The following TBCD variants were observed in gnomAD, a reference collection of about 807,000 sequenced individuals.
TBCD encodes the protein tubulin-specific chaperone D.
Under a neutral mutation model 169.3 loss-of-function variants are expected in TBCD, and 105 were observed. That is an observed-to-expected ratio of 0.62 (90% CI 0.53 to 0.73). The LOEUF (loss-of-function observed/expected upper bound fraction) is 0.73, where lower values mean the gene tolerates loss of function less well. Among genes scored for constraint, TBCD ranks in the 30% least tolerant of loss-of-function variants. The probability of loss-of-function intolerance (pLI) is 0.00; values close to 1 mark genes in which losing one functional copy is unlikely to be tolerated. For missense variants in TBCD, 1,444 were observed against 1,600.1 expected (o/e 0.90, Z 1.66); for synonymous variants, 700 against 643.9 (o/e 1.09, Z -1.32).
rs375958159 is a variant in TBCD at position 82,781,708 on chromosome 17, C to T, written c.758C>T (p.Thr253Met). Residue 253 changes from threonine (T) to methionine (M), a missense_variant, in exon 7 of 39, where the codon ACG becomes ATG. Physicochemically the swap from Thr to Met is moderately conservative, Grantham distance 81. Coordinates refer to ENST00000355528, the MANE Select transcript of TBCD (RefSeq NM_005993.5). ...CAGGGGGTCATCACCATGGATGGGACGCTGCAGGCCCTGGTAAGTGCTGCC... is the reference window on the plus strand; with the variant it reads ...CAGGGGGTCATCACCATGGATGGGATGCTGCAGGCCCTGGTAAGTGCTGCC... ...TMQGVITMDG[T>M]LQALAQIFKH... The T allele has an allele frequency of 1.5e-5, 24 of 1,613,500 alleles. No individual in the cohort carries two copies. Among genetic ancestry groups the T allele is most frequent in the East Asian group, 6.7e-5 (3 of 44,870 alleles).
At chr17:82,937,769 C>A in intron 35 of TBCD, 3 of 1,146,796 alleles carry the variant, frequency 2.6e-6, no homozygotes, top group Non-Finnish European at 3.6e-6. Flanking sequence ...CTCTGTGGCT[C>A]CTTGAGGTGG....
intron 17 of TBCD, among the ~76,000 whole-genome samples, chr17:82,894,470 C>G (rs1304288201): frequency 6.6e-6 from 1 of 152,176 alleles, no homozygotes; most frequent in South Asian, 2.1e-4. Context: ...CCCTAAAGAT[C>G]GATTCCCCAA....
chr17:82,925,330 G>T (rs2061653991), intron 27 of TBCD, among the ~76,000 whole-genome samples: 1 of 152,230 alleles, frequency 6.6e-6, no homozygotes, highest in South Asian at 2.1e-4. Flanking sequence ...GTTTGTAGAA[G>T]CAGCTGCCGA....
At position 82,909,294 on chromosome 17, in the gene TBCD, C is replaced by T. The variant is rs368782592; in HGVS notation, c.1993C>T (p.Arg665Cys). 21 of 1,519,928 alleles carry T rather than the reference C, an allele frequency of 1.4e-5. No individual in the cohort carries two copies. The highest frequency in any genetic ancestry group is 4.9e-5 in the South Asian group (4 of 81,830). The allele number at this position is 1,519,928 out of a possible 1,614,324, so 94.2% of individuals were successfully genotyped here. The change falls in exon 22 of 39, where the codon CGT becomes TGT. Residue 665 changes from arginine (R) to cysteine (C), a missense_variant. Arg to Cys is a radical substitution (Grantham distance 180, BLOSUM62 -3). Coordinates refer to ENST00000355528, the MANE Select transcript of TBCD (RefSeq NM_005993.5). Reference sequence around the variant, plus strand: ...AGTTTTTTATTTTCAGCTCTATGATCGTCAGTTATACAGGTGAGCTTTACA... The same window carrying T: ...AGTTTTTTATTTTCAGCTCTATGATTGTCAGTTATACAGGTGAGCTTTACA... ...LKQIHQQLYD[R>C]QLYRGLGGQL...
intron 8 of TBCD, among the ~76,000 whole-genome samples, chr17:82,799,673 A>C (rs551001074): frequency 6.6e-6 from 1 of 152,242 alleles, no homozygotes; most frequent in African/African-American, 2.4e-5. Flanking sequence ...ACTTCCATAC[A>C]TGTCTCTGGA....
In TBCD at chr17:82,831,577, T is replaced by C. The variant is rs149234218; in HGVS notation, c.1318+16643T>C. On this transcript the variant is annotated intron_variant, in intron 13 of 38. Coordinates refer to ENST00000355528, the MANE Select transcript of TBCD (RefSeq NM_005993.5). The surrounding 1 kb of genome is among the most constrained non-coding windows in gnomAD (Gnocchi z 4.6). The stretch of plus-strand genomic sequence containing the variant: ...TGTGGCTGGAGATGGAGCCAGGTGC[T>C]TAGGGATCGGCCCCGGGTGAGGCAG... The C allele has an allele frequency of 9.3e-6, 15 of 1,614,102 alleles. No homozygotes were observed. Among genetic ancestry groups the C allele is most frequent in the African/African-American group, 2.7e-5 (2 of 75,012 alleles).
rs1034610778 is a variant in TBCD at position 82,781,673 on chromosome 17, C to A, written c.723C>A (p.Phe241Leu). ...WSLCNLARSS[F>L]QTMQGVITMD... ...TGTGCAATCTGGCCCGTTCCTCCTT[C>A]CAGACCATGCAGGGGGTCATCACCA... is the stretch of plus-strand genomic sequence containing the variant. The change falls in exon 7 of 39, where the codon TTC becomes TTA. Residue 241 changes from phenylalanine (F) to leucine (L), a missense_variant. Phe to Leu is a conservative substitution (Grantham distance 22). Transcript: ENST00000355528. 6.2e-7 allele frequency: 1 copy of A among 1,613,874 alleles called. No homozygotes were observed. The highest frequency in any genetic ancestry group is 8.5e-7 in the Non-Finnish European group (1 of 1,179,874).
At chr17:82,858,500 C>T (rs2056500053) in intron 13 of TBCD, 2 of 894,496 alleles carry the variant, frequency 2.2e-6, no homozygotes, top group East Asian at 1.2e-4. Flanking sequence ...GGCAGTTCTA[C>T]AGGTACTACG....
At position 82,825,368 on chromosome 17, in the gene TBCD, T is replaced by C. The variant is rs576832244; in HGVS notation, c.1318+10434T>C. 1.6e-4 allele frequency among the ~76,000 whole-genome samples: 25 copies of C among 152,298 alleles called. 1 individual carries two copies. The highest frequency in any genetic ancestry group is 1.5e-3 in the Admixed American group (23 of 15,300). On this transcript the variant is annotated intron_variant, in intron 13 of 38. Coordinates refer to ENST00000355528, the MANE Select transcript of TBCD (RefSeq NM_005993.5). ...GTGTGGACCGTGGCATGTGATGTCT[T>C]GTCACGGCTCCCTGCACGGCTGTTT...
In TBCD at chr17:82,887,275, C is replaced by T. The variant is rs547504939; in HGVS notation, c.1534-2393C>T. ...AGGATACACAGCAGCCCTGTCTTCC[C>T]GAGAGGCCTGTGCTACTGCTTTGCC... is the stretch of plus-strand genomic sequence containing the variant. On this transcript the variant is annotated intron_variant, in intron 15 of 38. Coordinates refer to ENST00000355528, the MANE Select transcript of TBCD (RefSeq NM_005993.5). Among the ~76,000 whole-genome samples the T allele has an allele frequency of 3.1e-3, 474 of 152,128 alleles. 11 individuals carry two copies. Among genetic ancestry groups the T allele is most frequent in the Admixed American group, 0.027 (420 of 15,282 alleles).
At position 82,930,964 on chromosome 17, in the gene TBCD, C is replaced by T. The variant is rs1422827819; in HGVS notation, c.3113+321C>T. On this transcript the variant is annotated intron_variant, in intron 33 of 38. Transcript: ENST00000355528. This position sits in a 1 kb window ranked among gnomAD's most constrained non-coding sequence, Gnocchi z 5.2. The stretch of plus-strand genomic sequence containing the variant: ...TAGGAAGGCGTTGTGGGAGCTCCTC[C>T]AGCTTGGTGCTCCCACGGACGTGCT... Among the ~76,000 whole-genome samples the T allele has an allele frequency of 6.6e-6, 1 of 152,222 alleles. No homozygotes were observed. Among genetic ancestry groups the T allele is most frequent in the Non-Finnish European group, 1.5e-5 (1 of 68,036 alleles).
chr17:82,786,822 T>C (rs1248571122), intron 7 of TBCD, among the ~76,000 whole-genome samples: 1 of 3,610 alleles, frequency 2.8e-4, no homozygotes, highest in Non-Finnish European at 5.0e-4. Flanking sequence ...GGTTCTTTAC[T>C]TTTTTTTTTT....
chr17:82,827,528 C>T (rs550064711), intron 13 of TBCD, among the ~76,000 whole-genome samples: 4 of 152,328 alleles, frequency 2.6e-5, no homozygotes, highest in East Asian at 1.9e-4. Context: ...AGGGGTGCTT[C>T]GCACATGCCG....
chr17:82,808,028 CTT>C (rs1278589613), intron 11 of TBCD, among the ~76,000 whole-genome samples: 1 of 152,224 alleles, frequency 6.6e-6, no homozygotes, highest in African/African-American at 2.4e-5. Context: ...GAAGAGCCCT[CTT>C]TTGTGGGGTG....
chr17:82,782,942 T>A lies in TBCD; in HGVS notation c.771+1221T>A, dbSNP rs2144321040. On this transcript the variant is annotated intron_variant, in intron 7 of 38. Transcript: ENST00000355528. This position sits in a 1 kb window ranked among gnomAD's most constrained non-coding sequence, Gnocchi z 5.1. ...TCTTCCTGTCCATGGCGGCCTCCTG[T>A]CCGCGGTGCCCTCCTGTCCATGGTG... is the stretch of plus-strand genomic sequence containing the variant. Among the ~76,000 whole-genome samples the A allele has an allele frequency of 6.7e-6, 1 of 150,164 alleles. No individual in the cohort carries two copies. The highest frequency in any genetic ancestry group is 2.0e-4 in the East Asian group (1 of 5,100).
chr17:82,926,341 C>T, intron 27 of TBCD, 59 bp from the exon 28 acceptor site: 1 of 1,548,832 alleles, frequency 6.5e-7, no homozygotes, highest in Non-Finnish European at 8.9e-7. Context: ...TGCCACCTCC[C>T]TAAAGAGTGC....
At chr17:82,866,192 C>G (rs1209110016) in intron 13 of TBCD, among the ~76,000 whole-genome samples, 1 of 152,160 alleles carries the variant, frequency 6.6e-6, no homozygotes, top group Non-Finnish European at 1.5e-5. Context: ...GCCTGGCTGT[C>G]AAGGCTGGCC....
In TBCD at chr17:82,925,929, T is replaced by C. The variant is rs564822944; in HGVS notation, c.2380-471T>C. Among the ~76,000 whole-genome samples, 442 of 142,524 alleles carry C rather than the reference T, an allele frequency of 3.1e-3. 7 individuals are homozygous for C. The highest frequency in any genetic ancestry group is 0.016 in the Admixed American group (197 of 12,294). 93.5% of individuals were successfully genotyped at this position (142,524 alleles called of 152,430 possible). ...GGCCGTGGAGAGGCTGGAGGTGACC[T>C]CTCCCCGGGTGTCCTTCCTGGGTTG... On this transcript the variant is annotated intron_variant, in intron 27 of 38. Transcript: ENST00000355528.
chr17:82,897,126 A>G (rs537072300), intron 17 of TBCD, among the ~76,000 whole-genome samples: 1 of 152,112 alleles, frequency 6.6e-6, no homozygotes, highest in East Asian at 1.9e-4. Flanking sequence ...TCTGCATACA[A>G]TTCCTTTTTC....
Sources: allele counts gnomAD v4.1 joint callset (sites outside exome capture counted in the v4.1 genomes callset), GRCh38; gene constraint gnomAD v4.1.1; non-coding constraint Gnocchi (gnomAD v3.1); transcripts MANE v1.5; gene names NCBI Gene and HGNC (gene_info 2026-07-23, HGNC 2026-07-21).